PRKAR1B: variants seen among roughly 807,000 people sequenced by gnomAD.
PRKAR1B encodes the protein cAMP-dependent protein kinase type I-beta regulatory subunit.
In PRKAR1B, 22 loss-of-function variants were observed where a neutral mutation model predicts 46.5. The ratio of observed to expected loss-of-function variants is 0.47; its 90% CI spans 0.34 to 0.68. The LOEUF (loss-of-function observed/expected upper bound fraction) is 0.68. Among genes scored for constraint, PRKAR1B ranks in the 30% least tolerant of loss-of-function variants. PRKAR1B has a pLI of 0.01. For synonymous variants in PRKAR1B, 259 were observed against 217.7 expected (o/e 1.19, Z -1.67); for missense variants, 445 against 535.6 (o/e 0.83, Z 1.67).
intron 7 of PRKAR1B, among the ~76,000 whole-genome samples, chr7:592,968 G>T (rs544020104): frequency 6.6e-6 from 1 of 152,202 alleles, no homozygotes; most frequent in Admixed American, 6.5e-5. Flanking sequence ...CCGGGGAGGC[G>T]GAGGCTACAG....
intron 2 of PRKAR1B, among the ~76,000 whole-genome samples, chr7:698,678 A>C (rs557314418): frequency 2.6e-5 from 4 of 152,090 alleles, no homozygotes; most frequent in Non-Finnish European, 4.4e-5. Flanking sequence ...TCTCGGAGTA[A>C]ACTGAGTATG....
intron 8 of PRKAR1B, among the ~76,000 whole-genome samples, chr7:582,998 A>T (rs1780284239): frequency 6.6e-6 from 1 of 152,160 alleles, no homozygotes; most frequent in African/African-American, 2.4e-5. Flanking sequence ...CATTCCCACG[A>T]AACGTCCCGA....
chr7:627,522 C>T (rs1295070444), intron 4 of PRKAR1B, among the ~76,000 whole-genome samples: 2 of 152,124 alleles, frequency 1.3e-5, no homozygotes, highest in Admixed American at 6.5e-5. Context: ...CGGACAGCCA[C>T]GGCCAACGCC....
intron 9 of PRKAR1B, among the ~76,000 whole-genome samples, chr7:554,957 T>A (rs1035098357): frequency 1.3e-5 from 2 of 151,722 alleles, no homozygotes; most frequent in African/African-American, 2.4e-5. Context: ...CTCGGGGAGG[T>A]GCAAGGTCCT....
intron 4 of PRKAR1B, among the ~76,000 whole-genome samples, chr7:650,873 G>A (rs765894049): frequency 1.3e-5 from 2 of 152,278 alleles, no homozygotes; most frequent in African/African-American, 4.8e-5. Flanking sequence ...CTCCCTGCCC[G>A]TGCTGGCGGA....
intron 4 of PRKAR1B, among the ~76,000 whole-genome samples, chr7:627,041 C>T (rs1158402101): frequency 6.6e-6 from 1 of 152,010 alleles, no homozygotes; most frequent in Non-Finnish European, 1.5e-5. Context: ...CGCCCAACTA[C>T]TTTTTGTATT....
At chr7:574,399 T>C (rs1472003184) in intron 9 of PRKAR1B, among the ~76,000 whole-genome samples, 1 of 151,664 alleles carries the variant, frequency 6.6e-6, no homozygotes, top group Non-Finnish European at 1.5e-5. Context: ...GGGCTGCAGG[T>C]CCAGTGTGGC....
intron 2 of PRKAR1B, among the ~76,000 whole-genome samples, chr7:685,295 C>CGTATATATACGT (rs1300520762): frequency 7.4e-4 from 9 of 12,224 alleles, no homozygotes; most frequent in African/African-American, 2.4e-3. Context: ...TATATGTATA[C>CGTATATATACGT]ATATATATAT....
rs1381235500 is a variant in PRKAR1B, at chr7:579,256, C to T, written c.891G>A (p.Glu297=). 1 of 1,614,008 alleles carries T rather than the reference C, an allele frequency of 6.2e-7. No homozygotes were observed. Among genetic ancestry groups the T allele is most frequent in the Non-Finnish European group, 8.5e-7 (1 of 1,180,030 alleles). The change falls in exon 9 of 11, where the codon GAG becomes GAA. Residue 297 remains glutamate (E), a splice_region_variant and synonymous_variant. Transcript: ENST00000537384. ...EPGDDFYIIT[E]GTASVLQRRS... Reference sequence around the variant, plus strand: ...CGCCCACGTGGGAAGCACGTCTCACCTCCGTGATGATGTAAAAGTCGTCCC... The same window carrying T: ...CGCCCACGTGGGAAGCACGTCTCACTTCCGTGATGATGTAAAAGTCGTCCC...
rs924024253 is a variant in PRKAR1B, at chr7:694,720, C to T, written c.178-13994G>A. Reference sequence around the variant, plus strand: ...TTCGTTACTGCCCCCATCTCAGAGACACAGTGCCAGGTGCACTCAAGAACC... The same window carrying T: ...TTCGTTACTGCCCCCATCTCAGAGATACAGTGCCAGGTGCACTCAAGAACC... On this transcript the variant is annotated intron_variant, in intron 2 of 10. Coordinates refer to ENST00000537384, the MANE Select transcript of PRKAR1B (RefSeq NM_001164760.2). Among the ~76,000 whole-genome samples the T allele has an allele frequency of 5.3e-5, 8 of 152,240 alleles. No homozygotes were observed. The South Asian group carries it at 1.5e-3, about 28-fold the overall frequency.
chr7:717,622 C>T (rs1297347341), intron 1 of PRKAR1B, among the ~76,000 whole-genome samples: 2 of 152,120 alleles, frequency 1.3e-5, no homozygotes, highest in East Asian at 3.9e-4. Context: ...TGCGCCACTG[C>T]ACTCCAGCCT....
chr7:584,595 C>A (rs899986406), intron 7 of PRKAR1B, 27 bp from the exon 8 acceptor site: 3 of 1,595,446 alleles, frequency 1.9e-6, no homozygotes, highest in Non-Finnish European at 2.6e-6. Context: ...AAAAAACAGA[C>A]AAGAAGGTGA....
chr7:584,625 C>A, intron 7 of PRKAR1B, 57 bp from the exon 8 acceptor site: 1 of 1,433,882 alleles, frequency 7.0e-7, no homozygotes, highest in South Asian at 1.2e-5. Flanking sequence ...CCTGGATCAT[C>A]CTGACGTTTC....
At chr7:608,073 GGGC>G (rs1782211511) in intron 4 of PRKAR1B, 1 of 152,582 alleles carries the variant, frequency 6.6e-6, no homozygotes, top group African/African-American at 2.4e-5. Flanking sequence ...AGGACCCAAG[GGGC>G]ATGGGGGAGC....
intron 7 of PRKAR1B, among the ~76,000 whole-genome samples, chr7:590,647 T>A (rs1780920699): frequency 6.6e-6 from 1 of 152,208 alleles, no homozygotes; most frequent in Middle Eastern, 3.2e-3. Context: ...AGAGCAGCAC[T>A]AAAATGGCTG....
Position 602,085 on chromosome 7 carries a change from C to A in PRKAR1B, c.549+4108G>T, listed in dbSNP as rs1245397248. ...AGAAGCCAGGCAGGACGCCACGACG[C>A]GTCGTGTCTGAGAGAAAACCGTCTC... is the stretch of plus-strand genomic sequence containing the variant. On this transcript the variant is annotated intron_variant, in intron 6 of 10. Coordinates refer to ENST00000537384, the MANE Select transcript of PRKAR1B (RefSeq NM_001164760.2). The surrounding 1 kb of genome is among the most constrained non-coding windows in gnomAD (Gnocchi z 6.4). Among the ~76,000 whole-genome samples, 1 of 152,174 alleles carries A rather than the reference C, an allele frequency of 6.6e-6. No individual in the cohort carries two copies. Among genetic ancestry groups the A allele is most frequent in the Non-Finnish European group, 1.5e-5 (1 of 68,024 alleles).
At chr7:657,066 T>C (rs1785243388) in intron 4 of PRKAR1B, among the ~76,000 whole-genome samples, 1 of 151,790 alleles carries the variant, frequency 6.6e-6, no homozygotes, top group Admixed American at 6.6e-5. Flanking sequence ...CATGAGTGAA[T>C]GCATGGATGG....
At chr7:706,256 G>A (rs1780317234) in intron 2 of PRKAR1B, among the ~76,000 whole-genome samples, 1 of 152,074 alleles carries the variant, frequency 6.6e-6, no homozygotes, top group African/African-American at 2.4e-5. Context: ...AGCCTGAGAG[G>A]TGGAGGTTGC....
intron 1 of PRKAR1B, among the ~76,000 whole-genome samples, chr7:724,953 G>A (rs79326390): frequency 0.013 from 2,047 of 152,330 alleles, 36 homozygotes; most frequent in East Asian, 0.11. Flanking sequence ...GGTGGCTCAC[G>A]CCTGTAATCC....
Sources: allele counts gnomAD v4.1 joint callset (sites outside exome capture counted in the v4.1 genomes callset), GRCh38; gene constraint gnomAD v4.1.1; non-coding constraint Gnocchi (gnomAD v3.1); transcripts MANE v1.5; gene names NCBI Gene and HGNC (gene_info 2026-07-23, HGNC 2026-07-21).